Variants in ATP8A2 observed in about 807,000 individuals in gnomAD.
The protein encoded by ATP8A2 is phospholipid-transporting ATPase IB.
A neutral mutation model predicts 165.6 loss-of-function variants in ATP8A2; 100 were observed. The observed-to-expected ratio is 0.60, with a 90% CI of 0.51 to 0.71. The LOEUF is 0.71. Ranked by LOEUF, ATP8A2 falls within the 30% of genes least tolerant of loss-of-function variation. The pLI, the probability that ATP8A2 is intolerant of heterozygous loss-of-function variation, is 0.00. For missense variants in ATP8A2, 1,227 were observed against 1,479.5 expected, an observed-to-expected ratio of 0.83 and a Z score of 2.80; for synonymous variants, 543 against 548.8, an observed-to-expected ratio of 0.99 and a Z score of 0.15.
At chr13:25,474,627 G>T (rs1396901502) in intron 2 of ATP8A2, among the ~76,000 whole-genome samples, 1 of 151,614 alleles carries the variant, frequency 6.6e-6, no homozygotes, top group Non-Finnish European at 1.5e-5. Flanking sequence ...CTGTATGCTA[G>T]GTTGGTACAG....
At chr13:25,431,035 C>T (rs1566127166) in intron 1 of ATP8A2, among the ~76,000 whole-genome samples, 1 of 152,040 alleles carries the variant, frequency 6.6e-6, no homozygotes, top group Non-Finnish European at 1.5e-5. Flanking sequence ...CACACACACA[C>T]ATAATGGGTG....
intron 27 of ATP8A2, among the ~76,000 whole-genome samples, chr13:25,813,631 G>A (rs1167021617): frequency 6.7e-6 from 1 of 149,880 alleles, no homozygotes; most frequent in African/African-American, 2.5e-5. Flanking sequence ...TTGTGGAGGT[G>A]GGGAGATCAT....
intron 30 of ATP8A2, among the ~76,000 whole-genome samples, chr13:25,841,184 A>C (rs750076609): frequency 3.9e-5 from 6 of 152,196 alleles, no homozygotes; most frequent in Non-Finnish European, 7.3e-5. Flanking sequence ...ATGTAAGTCC[A>C]TTCATTCACC....
At chr13:25,878,196 A>G (rs1293689876) in intron 33 of ATP8A2, among the ~76,000 whole-genome samples, 3 of 152,130 alleles carry the variant, frequency 2.0e-5, no homozygotes, top group Non-Finnish European at 2.9e-5. Flanking sequence ...AAGAGAAACC[A>G]CAGGAGCCCC....
intron 24 of ATP8A2, among the ~76,000 whole-genome samples, chr13:25,696,178 A>T (rs1261922013): frequency 6.6e-6 from 1 of 152,346 alleles, no homozygotes; most frequent in East Asian, 1.9e-4. Context: ...TTTTGTTCTG[A>T]GCAGTAGGTC....
intron 27 of ATP8A2, among the ~76,000 whole-genome samples, chr13:25,796,389 G>A (rs192792675): frequency 1.3e-5 from 2 of 152,304 alleles, no homozygotes; most frequent in Admixed American, 6.5e-5. Context: ...AAGAAGGCAG[G>A]TGTGTGTTGT....
At chr13:25,926,426 G>A (rs146903368) in intron 33 of ATP8A2, among the ~76,000 whole-genome samples, 101 of 152,244 alleles carry the variant, frequency 6.6e-4, no homozygotes, top group Non-Finnish European at 1.2e-3. Flanking sequence ...AGCACTGACT[G>A]TAACTTTTAT....
intron 29 of ATP8A2, 30 bp from the exon 30 acceptor site, chr13:25,839,516 T>G: frequency 6.3e-7 from 1 of 1,583,544 alleles, no homozygotes; most frequent in Non-Finnish European, 8.7e-7. Context: ...TTTGGGCAGC[T>G]CCTGACTCCC....
intron 24 of ATP8A2, among the ~76,000 whole-genome samples, chr13:25,673,695 C>G (rs1001275716): frequency 1.3e-5 from 2 of 152,046 alleles, no homozygotes; most frequent in African/African-American, 4.8e-5. Context: ...GCTATTGGTG[C>G]GTAGGAAAAA....
intron 25 of ATP8A2, among the ~76,000 whole-genome samples, chr13:25,751,452 A>ATTTT (rs139551225): frequency 4.0e-5 from 6 of 151,396 alleles, no homozygotes; most frequent in African/African-American, 1.5e-4. Flanking sequence ...TTATTTTATG[A>ATTTT]TTTTTTTTTC....
intron 25 of ATP8A2, among the ~76,000 whole-genome samples, chr13:25,743,739 T>G (rs1198019243): frequency 6.6e-6 from 1 of 152,230 alleles, no homozygotes; most frequent in African/African-American, 2.4e-5. Context: ...GTTCTAGAGC[T>G]TTCAACAAGT....
intron 1 of ATP8A2, among the ~76,000 whole-genome samples, chr13:25,454,853 T>C (rs4770835): frequency 0.99 from 150,586 of 152,250 alleles, 74,493 homozygotes; most frequent in Non-Finnish European, 1. Flanking sequence ...ACCCAGGAGG[T>C]GGAGGTTGCA....
intron 24 of ATP8A2, among the ~76,000 whole-genome samples, chr13:25,619,468 A>C (rs1432183818): frequency 1.3e-5 from 2 of 152,210 alleles, no homozygotes; most frequent in Non-Finnish European, 2.9e-5. Flanking sequence ...ACTATAAATA[A>C]ACTACAAAAA....
At chr13:25,562,803 A>G (rs1317639344) in intron 15 of ATP8A2, among the ~76,000 whole-genome samples, 2 of 151,194 alleles carry the variant, frequency 1.3e-5, no homozygotes, top group Non-Finnish European at 3.0e-5. Context: ...AAAGATAAGC[A>G]TTTTTTTTTC....
chr13:25,784,182 G>A (rs1441347939), intron 27 of ATP8A2, among the ~76,000 whole-genome samples: 1 of 236 alleles, frequency 4.2e-3, no homozygotes, highest in African/African-American at 7.4e-3. Context: ...GGCATTGATG[G>A]TTTAAAAAGG....
chr13:25,733,958 C>T (rs1270819139), intron 25 of ATP8A2, among the ~76,000 whole-genome samples: 6 of 152,126 alleles, frequency 3.9e-5, no homozygotes, highest in Admixed American at 1.3e-4. Context: ...GATTTTTGTT[C>T]GTTGGCGATG....
chr13:25,576,629 A>G (rs1173803343), intron 19 of ATP8A2, among the ~76,000 whole-genome samples: 1 of 151,846 alleles, frequency 6.6e-6, no homozygotes, highest in African/African-American at 2.4e-5. Flanking sequence ...ATTTCTTTCT[A>G]CTCCAATTAA....
intron 1 of ATP8A2, among the ~76,000 whole-genome samples, chr13:25,399,612 C>T (rs562364304): frequency 3.1e-4 from 42 of 135,308 alleles, no homozygotes; most frequent in Non-Finnish European, 5.7e-4. Context: ...CCGTTTTAGC[C>T]GGGATGGTCT....
In ATP8A2 at chr13:25,922,076, TG is replaced by T. The variant is rs1954476161; in HGVS notation, c.3184-39498del. ...TAGAGCAGGAAAATTCTGGTGTTAA[TG>T]ATTGCCTATAACCTCAATATAGAAG... On this transcript the variant is annotated intron_variant, in intron 33 of 36. Transcript: ENST00000381655. Among the ~76,000 whole-genome samples the T allele has an allele frequency of 2.0e-5, 3 of 152,358 alleles. No individual in the cohort carries two copies. The East Asian group carries it at 5.8e-4, about 29-fold the overall frequency.
Sources: allele counts gnomAD v4.1 joint callset (sites outside exome capture counted in the v4.1 genomes callset), GRCh38; gene constraint gnomAD v4.1.1; transcripts MANE v1.5; gene names NCBI Gene and HGNC (gene_info 2026-07-23, HGNC 2026-07-21).